The following BRF1 variants were observed in gnomAD, a reference collection of about 807,000 sequenced individuals.
The protein encoded by BRF1 is BRF1 general transcription factor IIIB subunit.
A neutral mutation model predicts 81.7 loss-of-function variants in BRF1; 59 were observed. The ratio of observed to expected loss-of-function variants is 0.72; its 90% CI spans 0.59 to 0.90. BRF1 has a LOEUF of 0.90. BRF1 is among the 40% of genes least tolerant of loss of function. BRF1 has a pLI of 0.00. For synonymous variants in BRF1, 491 were observed against 395.6 expected, an observed-to-expected ratio of 1.24 and a Z score of -2.86; for missense variants, 1,050 against 936.3, an observed-to-expected ratio of 1.12 and a Z score of -1.58.
intron 3 of BRF1, among the ~76,000 whole-genome samples, chr14:105,259,985 A>T (rs777355766): frequency 6.6e-6 from 1 of 152,142 alleles, no homozygotes; most frequent in Non-Finnish European, 1.5e-5. Flanking sequence ...GAACAGGCAC[A>T]ACTGGTCTGT....
rs1252128749 is a variant in BRF1 at position 105,228,915 on chromosome 14, T to G, written c.695-2A>C. ...GCATTCTGGCTGCAACCAGGAGCGC[T>G]GGAAGGCAACGAGACGGGCCTCGTC... On this transcript the variant is annotated splice_acceptor_variant, in intron 6 of 17. Coordinates refer to ENST00000547530, the MANE Select transcript of BRF1 (RefSeq NM_001519.4). LOFTEE classifies it high-confidence loss of function. 2 of 1,613,432 alleles carry G rather than the reference T, an allele frequency of 1.2e-6. No individual in the cohort carries two copies.
Position 105,284,167 on chromosome 14 carries a change from A to G in BRF1, c.265+2129T>C, listed in dbSNP as rs970797427. 5.9e-5 allele frequency among the ~76,000 whole-genome samples: 9 copies of G among 152,172 alleles called. No individual in the cohort carries two copies. The highest frequency in any genetic ancestry group is 2.2e-4 in the African/African-American group (9 of 41,442). On this transcript the variant is annotated intron_variant, in intron 2 of 17. Transcript: ENST00000547530. The surrounding 1 kb of genome is among the most constrained non-coding windows in gnomAD (Gnocchi z 4.0). Reference sequence around the variant, plus strand: ...AAGCGCCCAACACACATGCACGTCCACAAAACTGGCCTTCCACCCGGCCAC... The same window carrying G: ...AAGCGCCCAACACACATGCACGTCCGCAAAACTGGCCTTCCACCCGGCCAC...
At chr14:105,280,853 C>T (rs960022341) in intron 2 of BRF1, among the ~76,000 whole-genome samples, 4 of 151,340 alleles carry the variant, frequency 2.6e-5, no homozygotes, top group Non-Finnish European at 5.9e-5. Context: ...ACCCTGAGCC[C>T]GGGTGTGTGG....
chr14:105,225,070 G>C (rs587667011), intron 10 of BRF1, among the ~76,000 whole-genome samples: 88 of 152,278 alleles, frequency 5.8e-4, no homozygotes, highest in African/African-American at 1.9e-3. Flanking sequence ...GGAGCCTTGG[G>C]GGCTCCGGCT....
intron 3 of BRF1, among the ~76,000 whole-genome samples, chr14:105,266,515 A>G (rs2056424881): frequency 6.6e-6 from 1 of 152,208 alleles, no homozygotes; most frequent in Admixed American, 6.5e-5. Flanking sequence ...TTGGTGTTTG[A>G]TAAAATTCAG....
intron 1 of BRF1, among the ~76,000 whole-genome samples, chr14:105,295,617 A>C (rs2057704561): frequency 6.6e-6 from 1 of 151,144 alleles, no homozygotes; most frequent in South Asian, 2.1e-4. Flanking sequence ...CTCCCCAACC[A>C]AAAAAAAATT....
At chr14:105,211,984 A>G (rs1378467903) in intron 16 of BRF1, 129 bp downstream of exon 16, 1 of 1,359,090 alleles carries the variant, frequency 7.4e-7, no homozygotes, top group Admixed American at 2.0e-5. Flanking sequence ...CCAGGCAAGT[A>G]TGGGGCAGCA....
At chr14:105,304,855 T>C (rs1436686124), upstream of BRF1, among the ~76,000 whole-genome samples, 3 of 152,344 alleles carry the variant, frequency 2.0e-5, no homozygotes, top group Admixed American at 1.3e-4. Flanking sequence ...GTGAGACTTA[T>C]TCGCAATCAC....
In BRF1 at chr14:105,228,807, G is replaced by C. The variant is rs1170268046; in HGVS notation, c.788+13C>G. ...TCTGTGTGGTCCCCATGCCATGAAT[G>C]AGAGCCCCTCACCTCTTCCGCAGCG... On this transcript the variant is annotated intron_variant, in intron 7 of 17. Transcript: ENST00000547530. 1.2e-6 allele frequency: 2 copies of C among 1,613,550 alleles called. No individual in the cohort carries two copies. Among genetic ancestry groups the C allele is most frequent in the Non-Finnish European group, 1.7e-6 (2 of 1,179,842 alleles).
chr14:105,303,644 C>G (rs2058097625), upstream of BRF1, among the ~76,000 whole-genome samples: 1 of 152,202 alleles, frequency 6.6e-6, no homozygotes, highest in African/African-American at 2.4e-5. Flanking sequence ...GTAATTACCA[C>G]TTTAGCTGAA....
chr14:105,226,359 C>G (rs967108076), intron 8 of BRF1, 69 bp from the exon 9 acceptor site: 24 of 1,597,536 alleles, frequency 1.5e-5, no homozygotes, highest in Non-Finnish European at 2.1e-5. Flanking sequence ...TCTGGGGTGC[C>G]GCGTGGGCCC....
intron 5 of BRF1, chr14:105,250,286 G>A (rs1335843784): frequency 2.5e-6 from 4 of 1,613,142 alleles, no homozygotes; most frequent in African/African-American, 1.3e-5. Flanking sequence ...CGGGCGCTGC[G>A]ACAGCATCCA....
chr14:105,308,631 A>G (rs2058261176), intron 1 of BRF1, among the ~76,000 whole-genome samples: 1 of 151,554 alleles, frequency 6.6e-6, no homozygotes, highest in Non-Finnish European at 1.5e-5. Context: ...TACAGGTATG[A>G]GCCACTGTGC....
intron 5 of BRF1, chr14:105,247,745 G>A: frequency 1.0e-6 from 1 of 985,508 alleles, no homozygotes; most frequent in Non-Finnish European, 1.2e-6. Flanking sequence ...TGTGTCCTCG[G>A]GGAGGAACCC....
chr14:105,263,924 C>CAAAAAAAAA (rs58615148), intron 3 of BRF1, among the ~76,000 whole-genome samples: 2 of 78,610 alleles, frequency 2.5e-5, no homozygotes, highest in Admixed American at 1.4e-4. Flanking sequence ...GACTCTGTCT[C>CAAAAAAAAA]AAAAAAAAAA....
chr14:105,226,398 G>T, intron 8 of BRF1, 108 bp from the exon 9 acceptor site: 1 of 1,509,928 alleles, frequency 6.6e-7, no homozygotes, highest in Non-Finnish European at 9.2e-7. Context: ...AGAACTTAGG[G>T]GTACGCAGCG....
At chr14:105,250,999 C>T (rs1595389570) in intron 5 of BRF1, 2 of 310,456 alleles carry the variant, frequency 6.4e-6, no homozygotes, top group Non-Finnish European at 1.3e-5. Flanking sequence ...CTAAGTGGTT[C>T]CAAGCTTAAC....
At chr14:105,229,643 C>CA (rs2141629123) in intron 6 of BRF1, among the ~76,000 whole-genome samples, 1 of 151,058 alleles carries the variant, frequency 6.6e-6, no homozygotes, top group Non-Finnish European at 1.5e-5. Context: ...CAGCTGGGGG[C>CA]GGGGGACAGC....
At chr14:105,275,106 G>A (rs764748330) in intron 2 of BRF1, among the ~76,000 whole-genome samples, 7 of 152,228 alleles carry the variant, frequency 4.6e-5, no homozygotes, top group Admixed American at 6.5e-5. Context: ...AGTGAGGGCT[G>A]ATGTTTTGCT....
Sources: gnomAD v4.1 joint callset for allele counts (sites outside exome capture counted in the v4.1 genomes callset) on GRCh38, gnomAD v4.1.1 for gene constraint, Gnocchi (gnomAD v3.1) non-coding constraint, MANE v1.5 for transcripts, NCBI Gene and HGNC (gene_info 2026-07-23, HGNC 2026-07-21) for gene names.